Variants in SETBP1 observed in about 807,000 individuals in gnomAD.
SETBP1 encodes SET binding protein 1.
In SETBP1, 9 loss-of-function variants were observed where a neutral mutation model predicts 101.0. That is an observed-to-expected ratio of 0.09 (90% CI 0.05 to 0.16). SETBP1 has a LOEUF of 0.16. Among genes scored for constraint, SETBP1 ranks in the 10% least tolerant of loss-of-function variants. The pLI is 1.00. For missense variants in SETBP1, 1,858 were observed against 2,033.8 expected, an observed-to-expected ratio of 0.91 and a Z score of 1.66; for synonymous variants, 818 against 788.5, an observed-to-expected ratio of 1.04 and a Z score of -0.63.
intron 2 of SETBP1, among the ~76,000 whole-genome samples, chr18:44,710,810 A>C (rs2069322007): frequency 6.6e-6 from 1 of 152,134 alleles, no homozygotes; most frequent in Non-Finnish European, 1.5e-5. Flanking sequence ...ACACAGCCAA[A>C]CTGTTTTGGG....
intron 1 of SETBP1, among the ~76,000 whole-genome samples, chr18:44,681,598 G>A (rs1394398978): frequency 5.4e-5 from 7 of 130,824 alleles, no homozygotes; most frequent in Non-Finnish European, 1.1e-4. Flanking sequence ...GTCTGAAATC[G>A]GATCCAACTG....
At chr18:44,742,475 A>G (rs200472651) in intron 2 of SETBP1, among the ~76,000 whole-genome samples, 2 of 152,228 alleles carry the variant, frequency 1.3e-5, no homozygotes, top group Non-Finnish European at 2.9e-5. Flanking sequence ...GATGCGGAGC[A>G]CAAAAGTATA....
Position 44,951,100 on chromosome 18 carries a change from G to A in SETBP1, c.1760G>A (p.Arg587Gln), listed in dbSNP as rs1318127607. Residue 587 changes from arginine to glutamine, a missense_variant, in exon 4 of 6, where the codon CGG (arginine) becomes CAG (glutamine). Coordinates refer to ENST00000649279, the MANE Select transcript of SETBP1 (RefSeq NM_015559.3). The surrounding 1 kb of genome is among the most constrained non-coding windows in gnomAD (Gnocchi z 7.8). ...GTGATCACTCCAGTCAAAAAGAAGC[G>A]GGGACGACCAAAGAAGCAGCCTTTG... ...LTVITPVKKK[R>Q]GRPKKQPLLT... is the part of the protein sequence containing the mutation. The A allele has an allele frequency of 1.9e-6, 3 of 1,614,034 alleles. No homozygotes were observed. The highest frequency in any genetic ancestry group is 1.1e-5 in the South Asian group (1 of 91,062).
chr18:44,914,872 C>A (rs1446208429), intron 3 of SETBP1, among the ~76,000 whole-genome samples: 1 of 152,102 alleles, frequency 6.6e-6, no homozygotes, highest in Non-Finnish European at 1.5e-5. Context: ...CCCAAGCCAA[C>A]GTCCTGAGGA....
Position 44,950,156 on chromosome 18 carries a change from C to T in SETBP1, c.816C>T (p.Asn272=), listed in dbSNP as rs886053788. 6.2e-7 allele frequency: 1 copy of T among 1,613,872 alleles called. No homozygotes were observed. The highest frequency in any genetic ancestry group is 1.7e-5 in the Admixed American group (1 of 60,034). The change falls in exon 4 of 6, where the codon AAC becomes AAT. Residue 272 remains asparagine, a synonymous_variant. Coordinates refer to ENST00000649279, the MANE Select transcript of SETBP1 (RefSeq NM_015559.3). ...KAQGKKGSAG[N]TWSQLSNNNK... ...AGGGTAAGAAAGGCAGTGCAGGGAACACGTGGAGTCAGTTGTCTAACAATA... is the reference window on the plus strand; with the variant it reads ...AGGGTAAGAAAGGCAGTGCAGGGAATACGTGGAGTCAGTTGTCTAACAATA...
intron 2 of SETBP1, among the ~76,000 whole-genome samples, chr18:44,708,512 A>T (rs2290932): frequency 0.29 from 43,631 of 152,066 alleles, 7,680 homozygotes; most frequent in East Asian, 0.52. Context: ...TTGTTTCCTG[A>T]TAGATTTCTC....
intron 1 of SETBP1, among the ~76,000 whole-genome samples, chr18:44,697,979 A>T (rs1361997280): frequency 1.3e-5 from 2 of 152,262 alleles, no homozygotes; most frequent in Non-Finnish European, 2.9e-5. Context: ...TATTTTAAAA[A>T]ATACAGAAAG....
chr18:44,926,965 G>T (rs140894360), intron 3 of SETBP1, among the ~76,000 whole-genome samples: 2 of 152,234 alleles, frequency 1.3e-5, no homozygotes, highest in East Asian at 1.9e-4. Context: ...TTATGAGGGT[G>T]CTTTTCACAT....
intron 3 of SETBP1, among the ~76,000 whole-genome samples, chr18:44,915,618 G>A (rs1211300637): frequency 3.9e-5 from 6 of 152,136 alleles, no homozygotes; most frequent in African/African-American, 9.7e-5. Flanking sequence ...GATGAGAGAC[G>A]GCTGAGCAAT....
At chr18:45,016,766 CAG>C (rs1254281998) in intron 4 of SETBP1, among the ~76,000 whole-genome samples, 11 of 134,788 alleles carry the variant, frequency 8.2e-5, no homozygotes, top group East Asian at 2.5e-4. Context: ...CACACACACA[CAG>C]AGAGCTCTCA....
chr18:44,703,641 T>C (rs530545334), intron 2 of SETBP1, among the ~76,000 whole-genome samples: 1 of 152,170 alleles, frequency 6.6e-6, no homozygotes, highest in South Asian at 2.1e-4. Flanking sequence ...ACTGGGACGA[T>C]TGGTCACCTT....
At chr18:44,899,920 G>C (rs983431739) in intron 3 of SETBP1, among the ~76,000 whole-genome samples, 3 of 152,112 alleles carry the variant, frequency 2.0e-5, no homozygotes, top group African/African-American at 7.2e-5. Context: ...TCTATAATAG[G>C]CTGAACAGTA....
At chr18:44,937,075 T>C (rs182382387) in intron 3 of SETBP1, among the ~76,000 whole-genome samples, 1 of 152,290 alleles carries the variant, frequency 6.6e-6, no homozygotes, top group East Asian at 1.9e-4. Context: ...ATAGCTATAT[T>C]TATATAATGC....
chr18:44,818,662 T>C (rs2072035653), intron 2 of SETBP1, among the ~76,000 whole-genome samples: 1 of 152,102 alleles, frequency 6.6e-6, no homozygotes, highest in Non-Finnish European at 1.5e-5. Context: ...CTAAAAGGCA[T>C]GAACTACTAT....
At chr18:44,888,685 C>A (rs2069703370) in intron 3 of SETBP1, among the ~76,000 whole-genome samples, 1 of 152,022 alleles carries the variant, frequency 6.6e-6, no homozygotes, top group Non-Finnish European at 1.5e-5. Context: ...GACATGGCCA[C>A]AGAGATTAAT....
intron 2 of SETBP1, among the ~76,000 whole-genome samples, chr18:44,829,647 C>T (rs886601458): frequency 6.6e-6 from 1 of 152,064 alleles, no homozygotes; most frequent in East Asian, 1.9e-4. Flanking sequence ...GGGAAAGGAA[C>T]CTTATAGTAG....
rs79209811 is a variant in SETBP1, at chr18:45,017,629, G to C, written c.4001-20856G>C. On this transcript the variant is annotated intron_variant, in intron 4 of 5. Transcript: ENST00000649279. Reference sequence around the variant, plus strand: ...TCAATGTTTTGGCAAGTGCTGCCTCGTTACTAATGAACACTGCCACCTAAT... The same window carrying C: ...TCAATGTTTTGGCAAGTGCTGCCTCCTTACTAATGAACACTGCCACCTAAT... Among the ~76,000 whole-genome samples the C allele has an allele frequency of 1.1e-3, 175 of 152,328 alleles. 3 individuals are homozygous for C. In the East Asian group the frequency reaches 0.029, roughly 25 times the overall value.
At chr18:44,998,613 A>G (rs983984273) in intron 4 of SETBP1, among the ~76,000 whole-genome samples, 2 of 152,192 alleles carry the variant, frequency 1.3e-5, no homozygotes, top group Non-Finnish European at 2.9e-5. Context: ...CTAGGCCGCA[A>G]TTGGAAGATG....
At chr18:44,734,546 G>A (rs1443162502) in intron 2 of SETBP1, among the ~76,000 whole-genome samples, 1 of 152,140 alleles carries the variant, frequency 6.6e-6, no homozygotes, top group East Asian at 1.9e-4. Context: ...TCTGACTTCC[G>A]TGAATTCCCT....
Sources: gnomAD v4.1 joint callset for allele counts (sites outside exome capture counted in the v4.1 genomes callset) on GRCh38, gnomAD v4.1.1 for gene constraint, Gnocchi (gnomAD v3.1) non-coding constraint, MANE v1.5 for transcripts, NCBI Gene and HGNC (gene_info 2026-07-23, HGNC 2026-07-21) for gene names.